Variants in SIM2 observed in about 807,000 individuals in gnomAD.
SIM2 encodes SIM bHLH transcription factor 2.
A neutral mutation model predicts 64.8 loss-of-function variants in SIM2; 28 were observed. The ratio of observed to expected loss-of-function variants is 0.43; its 90% CI spans 0.32 to 0.59. The LOEUF (loss-of-function observed/expected upper bound fraction) is 0.59. Among genes scored for constraint, SIM2 ranks in the 20% least tolerant of loss-of-function variants. The pLI is 0.07. For synonymous variants in SIM2, 408 were observed against 391.1 expected (o/e 1.04, Z -0.51); for missense variants, 847 against 871.4 (o/e 0.97, Z 0.35).
rs141068741 is a variant in SIM2 at position 36,702,939 on chromosome 21, G to GAAAAAAAA, written c.175+3020_175+3021insAAAAAAAA. Among the ~76,000 whole-genome samples the GAAAAAAAA allele has an allele frequency of 3.8e-5, 5 of 131,110 alleles. 1 individual carries two copies. The highest frequency in any genetic ancestry group is 3.1e-5 in the Non-Finnish European group (2 of 64,606). 86.0% of individuals were successfully genotyped at this position (131,110 alleles called of 152,430 possible). A position where few individuals can be genotyped will look rare whatever the true frequency, so the allele number is the denominator to read the frequency against. ...AGAGACCAGCTTAGGACTCTGGGAG[G>GAAAAAAAA]AAGAAAAAAAAAAAAAGAATAGCAT... On this transcript the variant is annotated intron_variant, in intron 1 of 10. Transcript: ENST00000290399.
At chr21:36,711,934 G>C (rs1321249561) in intron 2 of SIM2, among the ~76,000 whole-genome samples, 1 of 152,066 alleles carries the variant, frequency 6.6e-6, no homozygotes, top group Non-Finnish European at 1.5e-5. Context: ...TTTCCTCCTT[G>C]AATTTTGCAA....
intron 10 of SIM2, among the ~76,000 whole-genome samples, chr21:36,746,839 G>T (rs910403900): frequency 6.6e-6 from 1 of 152,202 alleles, no homozygotes; most frequent in African/African-American, 2.4e-5. Flanking sequence ...TTGTGTGTCG[G>T]AAGCTGGCTA....
At chr21:36,744,237 C>T (rs1161660209) in intron 9 of SIM2, among the ~76,000 whole-genome samples, 1 of 147,798 alleles carries the variant, frequency 6.8e-6, no homozygotes, top group Non-Finnish European at 1.5e-5. Flanking sequence ...ATCACTTGTT[C>T]TGTGCCAAGT....
chr21:36,729,746 T>C (rs2088940624), intron 6 of SIM2, among the ~76,000 whole-genome samples: 1 of 152,030 alleles, frequency 6.6e-6, no homozygotes, highest in African/African-American at 2.4e-5. Context: ...ACCAAGATGG[T>C]GAGGACCACC....
At chr21:36,738,503 C>T (rs2089105802) in intron 7 of SIM2, among the ~76,000 whole-genome samples, 1 of 152,090 alleles carries the variant, frequency 6.6e-6, no homozygotes, top group Admixed American at 6.5e-5. Flanking sequence ...AAGACTCCGT[C>T]TCCAAAAAAA....
chr21:36,740,045 A>G (rs983259822), intron 7 of SIM2, among the ~76,000 whole-genome samples: 1 of 123,242 alleles, frequency 8.1e-6, no homozygotes, highest in Non-Finnish European at 1.9e-5. Context: ...GAAAGAAAGA[A>G]AGAAAGAAAG....
rs957197618 is a variant in SIM2 at position 36,745,025 on chromosome 21, T to C, written c.1465T>C (p.Cys489Arg). 14 of 1,614,230 alleles carry C rather than the reference T, an allele frequency of 8.7e-6. No homozygotes were observed. The highest frequency in any genetic ancestry group is 1.2e-5 in the Non-Finnish European group (14 of 1,180,038). ...FLSTLPASGE[C>R]QWHYANPLVP... ...GAGCACACTGCCAGCCAGCGGTGAA[T>C]GCCAGTGGCATTATGCCAACCCCCT... The change falls in exon 10 of 11, where the codon TGC (cysteine) becomes CGC (arginine). Residue 489 changes from cysteine (C) to arginine (R), a missense_variant. This residue lies in a region of SIM2 where 447 missense variants were observed against 414.6 expected (regional missense o/e 1.08). Transcript: ENST00000290399. The surrounding 1 kb of genome is among the most constrained non-coding windows in gnomAD (Gnocchi z 4.8).
intron 3 of SIM2, among the ~76,000 whole-genome samples, chr21:36,716,569 A>AAATC (rs1386055824): frequency 6.6e-6 from 1 of 152,202 alleles, no homozygotes; most frequent in African/African-American, 2.4e-5. Context: ...TCTTGTTTTA[A>AAATC]AATCCTTAAT....
At chr21:36,718,904 G>A in intron 3 of SIM2, among the ~76,000 whole-genome samples, 1 of 152,202 alleles carries the variant, frequency 6.6e-6, no homozygotes, top group Non-Finnish European at 1.5e-5. Flanking sequence ...ATGTTTGAGA[G>A]AACATTCGAA....
chr21:36,734,196 A>C (rs930996561), intron 7 of SIM2, among the ~76,000 whole-genome samples: 7 of 152,112 alleles, frequency 4.6e-5, no homozygotes, highest in Non-Finnish European at 7.3e-5. Flanking sequence ...GTAGGATCCC[A>C]GCCCTCCTGA....
chr21:36,702,732 T>C (rs750212839), intron 1 of SIM2, among the ~76,000 whole-genome samples: 3 of 152,154 alleles, frequency 2.0e-5, no homozygotes, highest in Non-Finnish European at 2.9e-5. Context: ...AGGATCTGTC[T>C]GAGCTGCCAG....
chr21:36,746,656 T>G (rs1433602636), intron 10 of SIM2, among the ~76,000 whole-genome samples: 2 of 152,244 alleles, frequency 1.3e-5, no homozygotes, highest in African/African-American at 4.8e-5. Flanking sequence ...CCTTTTGACC[T>G]GGCCTGTCCC....
At chr21:36,701,939 A>G (rs1601681585) in intron 1 of SIM2, among the ~76,000 whole-genome samples, 1 of 152,222 alleles carries the variant, frequency 6.6e-6, no homozygotes, top group African/African-American at 2.4e-5. Flanking sequence ...CCTTCGAAGC[A>G]GCAATCCAAA....
Position 36,726,206 on chromosome 21 carries a change from G to A in SIM2, c.631G>A (p.Val211Met), listed in dbSNP as rs749326131. ...CTCCTGCTACCAGATTGTGGGGCTGGTGGCCGTGGGCCAGTCGCTGCCACC... is the reference window on the plus strand; with the variant it reads ...CTCCTGCTACCAGATTGTGGGGCTGATGGCCGTGGGCCAGTCGCTGCCACC... ...YDSCYQIVGL[V>M]AVGQSLPPSA... Residue 211 changes from valine to methionine, a missense_variant, in exon 6 of 11, where the codon GTG becomes ATG. Val to Met is a conservative substitution (Grantham distance 21, BLOSUM62 1). Transcript: ENST00000290399. This position sits in a 1 kb window ranked among gnomAD's most constrained non-coding sequence, Gnocchi z 4.5. 6.2e-7 allele frequency: 1 copy of A among 1,613,998 alleles called. No individual in the cohort carries two copies. Among genetic ancestry groups the A allele is most frequent in the Non-Finnish European group, 8.5e-7 (1 of 1,180,040 alleles).
At chr21:36,746,509 A>G (rs1316731003) in intron 10 of SIM2, among the ~76,000 whole-genome samples, 1 of 152,182 alleles carries the variant, frequency 6.6e-6, no homozygotes, top group Non-Finnish European at 1.5e-5. Context: ...TGAGGCTGAG[A>G]TAACATTTCT....
chr21:36,747,873 G>T lies in SIM2; in HGVS notation c.1785G>T (p.Leu595=). The change falls in exon 11 of 11, where the codon CTG becomes CTT. Residue 595 remains leucine (L), a synonymous_variant. Transcript: ENST00000290399. The surrounding 1 kb of genome is among the most constrained non-coding windows in gnomAD (Gnocchi z 4.5). Reference sequence around the variant, plus strand: ...AGGCCCCGGGCGCGCCGGCGCAGCTGCCCTTCGTGCTGCTCAACTACCACC... The same window carrying T: ...AGGCCCCGGGCGCGCCGGCGCAGCTTCCCTTCGTGCTGCTCAACTACCACC... ...TPEAPGAPAQ[L]PFVLLNYHRV... 1 of 1,052,760 alleles carries T rather than the reference G, an allele frequency of 9.5e-7. No homozygotes were observed. Among genetic ancestry groups the T allele is most frequent in the Non-Finnish European group, 1.2e-6 (1 of 869,150 alleles). The allele number at this position is 1,052,760 out of a possible 1,614,324, so 65.2% of individuals were successfully genotyped here.
intron 5 of SIM2, among the ~76,000 whole-genome samples, chr21:36,725,269 G>A (rs1289824420): frequency 6.6e-6 from 1 of 152,162 alleles, no homozygotes; most frequent in African/African-American, 2.4e-5. Context: ...AGGATCACTT[G>A]AGCCTGGGAG....
intron 7 of SIM2, among the ~76,000 whole-genome samples, chr21:36,733,151 A>ACTTGC (rs1301653639): frequency 3.3e-5 from 5 of 152,264 alleles, no homozygotes; most frequent in African/African-American, 1.2e-4. Flanking sequence ...GCAAGAGAAG[A>ACTTGC]CTTGCTCTTC....
At position 36,729,817 on chromosome 21, in the gene SIM2, G is replaced by A. The variant is rs76947070; in HGVS notation, c.744-1228G>A. Among the ~76,000 whole-genome samples the A allele has an allele frequency of 5.0e-3, 764 of 152,334 alleles. 5 individuals carry two copies. Among genetic ancestry groups the A allele is most frequent in the African/African-American group, 0.013 (528 of 41,576 alleles). On this transcript the variant is annotated intron_variant, in intron 6 of 10. Transcript: ENST00000290399. ...AAGCCTGGGAAACCATCGTTGCCAC[G>A]TGCAGCTTCCACCTACGGCCAGAGC...
Sources: gnomAD v4.1 joint callset for allele counts (sites outside exome capture counted in the v4.1 genomes callset) on GRCh38, gnomAD v4.1.1 for gene constraint, gnomAD v4.1.1 regional missense constraint, Gnocchi (gnomAD v3.1) non-coding constraint, MANE v1.5 for transcripts, NCBI Gene and HGNC (gene_info 2026-07-23, HGNC 2026-07-21) for gene names.